The following AHI1 variants were observed in gnomAD, a reference collection of about 807,000 sequenced individuals.
AHI1 encodes Abelson helper integration site 1.
AHI1 carries 123 observed loss-of-function variants against 149.3 expected under a neutral mutation model. The ratio of observed to expected loss-of-function variants is 0.82; its 90% confidence interval spans 0.71 to 0.96. AHI1 has a LOEUF of 0.96. AHI1 is among the 40% of genes least tolerant of loss of function. AHI1 has a pLI of 0.00. For synonymous variants in AHI1, 475 were observed against 459.8 expected, an observed-to-expected ratio of 1.03 and a Z score of -0.42; for missense variants, 1,439 against 1,422.7, an observed-to-expected ratio of 1.01 and a Z score of -0.18.
Position 135,442,632 on chromosome 6 carries a change from C to G in AHI1, c.1862G>C (p.Gly621Ala). 1 of 1,609,664 alleles carries G rather than the reference C, an allele frequency of 6.2e-7. No homozygotes were observed. Among genetic ancestry groups the G allele is most frequent in the Non-Finnish European group, 8.5e-7 (1 of 1,177,724 alleles). The stretch of plus-strand genomic sequence containing the variant: ...GGCACAAGCTGCTGCTAATATTCTT[C>G]CATTGTGGGAGAAATCAAGACAAAA... The part of the protein sequence containing the change: ...GCFCLDFSHN[G>A]RILAAACASR... Residue 621 changes from glycine (G) to alanine (A), a missense_variant, in exon 14 of 29, where the codon GGA becomes GCA. Transcript: ENST00000265602.
intron 5 of AHI1, among the ~76,000 whole-genome samples, chr6:135,471,996 G>A (rs1562253654): frequency 8.2e-6 from 1 of 122,194 alleles, no homozygotes; most frequent in African/African-American, 3.3e-5. Context: ...TCCGGCCTGG[G>A]CGACAGAGCG....
chr6:135,490,148 A>T (rs1411734471), intron 5 of AHI1: 2 of 717,600 alleles, frequency 2.8e-6, no homozygotes, highest in Non-Finnish European at 5.2e-6. Context: ...GTGTGCTGCC[A>T]AAGATTCTAT....
chr6:135,431,418 T>A, intron 16 of AHI1, 104 bp from the exon 17 acceptor site: 1 of 592,012 alleles, frequency 1.7e-6, no homozygotes, highest in East Asian at 3.2e-5. Flanking sequence ...AGTCAAAGAA[T>A]TGAAGGGCTA....
chr6:135,384,622 A>C (rs1185915843), intron 23 of AHI1, among the ~76,000 whole-genome samples: 1 of 152,166 alleles, frequency 6.6e-6, no homozygotes, highest in African/African-American at 2.4e-5. Context: ...GCCACCACAA[A>C]ATCTTCAACA....
At chr6:135,413,179 A>G (rs1382804274) in intron 20 of AHI1, among the ~76,000 whole-genome samples, 1 of 152,050 alleles carries the variant, frequency 6.6e-6, no homozygotes, top group Non-Finnish European at 1.5e-5. Flanking sequence ...AAATTGAAAA[A>G]TTAACCGGGC....
chr6:135,319,517 A>G (rs1786485745), intron 25 of AHI1, among the ~76,000 whole-genome samples: 5 of 152,238 alleles, frequency 3.3e-5, no homozygotes, highest in Admixed American at 3.3e-4. Context: ...TATGAAATCA[A>G]TAAGCATGGA....
chr6:135,453,719 T>C (rs965408008), intron 10 of AHI1, among the ~76,000 whole-genome samples: 2 of 152,138 alleles, frequency 1.3e-5, no homozygotes, highest in African/African-American at 2.4e-5. Context: ...ACAAATATAA[T>C]AGGCATAGAA....
intron 24 of AHI1, among the ~76,000 whole-genome samples, chr6:135,333,454 C>T (rs1023872474): frequency 6.6e-6 from 1 of 152,028 alleles, no homozygotes; most frequent in African/African-American, 2.4e-5. Flanking sequence ...CCAGGGACAA[C>T]CCTAAAGATA....
intron 21 of AHI1, among the ~76,000 whole-genome samples, chr6:135,408,532 G>C (rs1342427039): frequency 6.6e-6 from 1 of 151,766 alleles, no homozygotes; most frequent in Non-Finnish European, 1.5e-5. Context: ...TTTATTCTGG[G>C]TTTAGGTTAA....
At chr6:135,341,209 T>C (rs1365171974) in intron 24 of AHI1, among the ~76,000 whole-genome samples, 1 of 151,988 alleles carries the variant, frequency 6.6e-6, no homozygotes, top group Non-Finnish European at 1.5e-5. Flanking sequence ...ACAAGCTATG[T>C]ACAAGAACAC....
intron 14 of AHI1, among the ~76,000 whole-genome samples, chr6:135,440,665 AG>A (rs565468547): frequency 6.9e-4 from 105 of 152,302 alleles, no homozygotes; most frequent in African/African-American, 2.5e-3. Flanking sequence ...AAAGACCAGT[AG>A]ACCTATCCAC....
chr6:135,370,435 G>A (rs904045539), intron 23 of AHI1, among the ~76,000 whole-genome samples: 1 of 152,214 alleles, frequency 6.6e-6, no homozygotes, highest in African/African-American at 2.4e-5. Flanking sequence ...AGGACTGAGT[G>A]ACATTTGGGA....
chr6:135,422,778 C>T (rs1783391013), intron 20 of AHI1, among the ~76,000 whole-genome samples: 2 of 151,622 alleles, frequency 1.3e-5, no homozygotes, highest in South Asian at 4.2e-4. Flanking sequence ...GTGTGAGCCA[C>T]CACACCCAGC....
chr6:135,392,636 A>G (rs1778671335), intron 23 of AHI1, among the ~76,000 whole-genome samples: 1 of 152,180 alleles, frequency 6.6e-6, no homozygotes, highest in African/African-American at 2.4e-5. Context: ...TTTTGTAGTC[A>G]TGTATTTCAG....
chr6:135,292,452 G>T (rs1782481724), intron 27 of AHI1, among the ~76,000 whole-genome samples: 2 of 152,132 alleles, frequency 1.3e-5, no homozygotes, highest in Admixed American at 1.3e-4. Flanking sequence ...TAGAGTAGGA[G>T]GAACCACATT....
intron 14 of AHI1, 66 bp downstream of exon 14, chr6:135,442,515 TA>T: frequency 6.8e-7 from 1 of 1,462,686 alleles, no homozygotes. Context: ...TCCATGAATT[TA>T]AAAAAACTAA....
intron 16 of AHI1, among the ~76,000 whole-genome samples, chr6:135,432,414 G>A (rs998626397): frequency 1.3e-5 from 2 of 151,912 alleles, no homozygotes; most frequent in Non-Finnish European, 2.9e-5. Context: ...GTGCAGTGGC[G>A]CGATCTCAGC....
intron 7 of AHI1, 122 bp from the exon 8 acceptor site, chr6:135,463,428 T>C: frequency 1.3e-6 from 1 of 765,992 alleles, no homozygotes; most frequent in East Asian, 2.8e-5. Context: ...TATTATTGTC[T>C]CTTGAGAGAT....
chr6:135,392,807 T>C (rs2128482440), intron 23 of AHI1, among the ~76,000 whole-genome samples: 1 of 152,288 alleles, frequency 6.6e-6, no homozygotes, highest in East Asian at 1.9e-4. Flanking sequence ...CTGAAGAAAC[T>C]GCTCAAGATT....
Sources: allele counts gnomAD v4.1 joint callset (sites outside exome capture counted in the v4.1 genomes callset), GRCh38; gene constraint gnomAD v4.1.1; transcripts MANE v1.5; gene names NCBI Gene and HGNC (gene_info 2026-07-23, HGNC 2026-07-21).